SARM1: variants seen among roughly 807,000 people sequenced by gnomAD.
The protein encoded by SARM1 is NAD(+) hydrolase SARM1.
A neutral mutation model predicts 65.1 loss-of-function variants in SARM1; 60 were observed. The ratio of observed to expected loss-of-function variants is 0.92; its 90% CI spans 0.75 to 1.14. SARM1 has a LOEUF of 1.14. Ranked by LOEUF, SARM1 falls within the 50% of genes most tolerant of loss-of-function variation. The pLI, the probability that SARM1 is intolerant of heterozygous loss-of-function variation, is 0.00. For synonymous variants in SARM1, 417 were observed against 465.4 expected (o/e 0.90, Z 1.34); for missense variants, 913 against 1,015.7 (o/e 0.90, Z 1.37).
rs1425443685 is a variant in SARM1 at position 28,384,965 on chromosome 17, G to A, written c.1394+35G>A. ...CTCCTGCCCGCCGGACCCCAGCTAG[G>A]TCTAAATAAGCTCCCCCTCCGCCCA... On this transcript the variant is annotated intron_variant, in intron 4 of 8. Transcript: ENST00000585482. This position sits in a 1 kb window ranked among gnomAD's most constrained non-coding sequence, Gnocchi z 4.4. 1.9e-6 allele frequency: 3 copies of A among 1,587,612 alleles called. No homozygotes were observed. Among genetic ancestry groups the A allele is most frequent in the Non-Finnish European group, 2.6e-6 (3 of 1,166,486 alleles).
intron 1 of SARM1, among the ~76,000 whole-genome samples, chr17:28,380,928 G>A (rs2068019162): frequency 6.6e-6 from 1 of 152,244 alleles, no homozygotes; most frequent in Admixed American, 6.5e-5. Flanking sequence ...CAGGGGATCT[G>A]CTCCTGAGCT....
At chr17:28,388,587 C>A in intron 7 of SARM1, 48 bp downstream of exon 7, 1 of 1,576,842 alleles carries the variant, frequency 6.3e-7, no homozygotes, top group Non-Finnish European at 8.6e-7. Context: ...GCCTGTGGTC[C>A]AGAAGATAGG....
chr17:28,392,224 G>A (rs1555586999), intron 7 of SARM1, among the ~76,000 whole-genome samples: 1 of 151,506 alleles, frequency 6.6e-6, no homozygotes, highest in Non-Finnish European at 1.5e-5. Flanking sequence ...TGATTCCCCT[G>A]CCTCAGCCTC....
chr17:28,388,178 GC>G lies in SARM1; in HGVS notation c.1636del (p.Leu546TyrfsTer35). ...GCTGCCTATTGCCCACTTCAGAAAT[GC>G]TACACTCCCCGCTGCCCTGTACTGG... ...ARILTAAREM[L>X]HSPLPCTGGK... On this transcript the variant is annotated frameshift_variant, in exon 6 of 9. Coordinates refer to ENST00000585482, the MANE Select transcript of SARM1 (RefSeq NM_015077.4). LOFTEE classifies it high-confidence loss of function. 1 of 1,549,082 alleles carries G rather than the reference GC, an allele frequency of 6.5e-7. No individual in the cohort carries two copies.
rs2068192387 is a variant in SARM1 at position 28,401,083 on chromosome 17, T to C, written c.*4797T>C. On this transcript the variant is annotated 3_prime_UTR_variant, in exon 9 of 9. Transcript: ENST00000585482. ...TTGTCTGATGAAAGCTTGATGGAAATGGCTTTTTTCTGGTTTATCCTCTTT... is the reference window on the plus strand; with the variant it reads ...TTGTCTGATGAAAGCTTGATGGAAACGGCTTTTTTCTGGTTTATCCTCTTT... The C allele has an allele frequency of 1.9e-5, 7 of 375,434 alleles. No individual in the cohort carries two copies. Among genetic ancestry groups the C allele is most frequent in the Non-Finnish European group, 2.0e-5 (4 of 196,706 alleles). The allele number at this position is 375,434 out of a possible 1,614,324, so 23.3% of individuals were successfully genotyped here. A position where few individuals can be genotyped will look rare whatever the true frequency, so the allele number is the denominator to read the frequency against.
rs773480947 is a variant in SARM1 at position 28,396,408 on chromosome 17, T to G, written c.*122T>G. 13 of 1,146,420 alleles carry G rather than the reference T, an allele frequency of 1.1e-5. No homozygotes were observed. The highest frequency in any genetic ancestry group is 1.6e-5 in the Non-Finnish European group (13 of 795,710). 71.0% of individuals were successfully genotyped at this position (1,146,420 alleles called of 1,614,324 possible). A position where few individuals can be genotyped will look rare whatever the true frequency, so the allele number is the denominator to read the frequency against. On this transcript the variant is annotated 3_prime_UTR_variant, in exon 9 of 9. Transcript: ENST00000585482. ...CTGGGCTCTTCTTAGGAAATGGCTC[T>G]CCCTCCCCCTGTCCCCCACCCTCAT...
At chr17:28,378,023 G>T (rs1555584805) in intron 1 of SARM1, among the ~76,000 whole-genome samples, 1 of 152,168 alleles carries the variant, frequency 6.6e-6, no homozygotes, top group African/African-American at 2.4e-5. Context: ...CATTTGTGGA[G>T]GTCAGTAAGG....
chr17:28,371,821 G>A lies in SARM1; in HGVS notation c.-212G>A. 1 of 445,140 alleles carries A rather than the reference G, an allele frequency of 2.2e-6. No individual in the cohort carries two copies. The highest frequency in any genetic ancestry group is 4.0e-6 in the Non-Finnish European group (1 of 251,658). The allele number at this position is 445,140 out of a possible 1,614,324, so 27.6% of individuals were successfully genotyped here. A position where few individuals can be genotyped will look rare whatever the true frequency, so the allele number is the denominator to read the frequency against. ...TCCTTTCGCCCACTCCCTGCATCTG[G>A]GCCTGCATCACCTTTGCCAACCGCT... is the stretch of plus-strand genomic sequence containing the variant. On this transcript the variant is annotated 5_prime_UTR_variant, in exon 1 of 9. Transcript: ENST00000585482.
intron 2 of SARM1, among the ~76,000 whole-genome samples, chr17:28,382,918 A>G (rs2068031445): frequency 6.6e-6 from 1 of 152,082 alleles, no homozygotes. Context: ...TCTTCTTTGC[A>G]TTTTTTTGTG....
At chr17:28,383,499 C>T (rs553407277) in intron 2 of SARM1, among the ~76,000 whole-genome samples, 12 of 152,288 alleles carry the variant, frequency 7.9e-5, no homozygotes, top group South Asian at 2.1e-4. Flanking sequence ...GGAGGACCTG[C>T]TCTACAAGGC....
chr17:28,396,062 T>A, intron 8 of SARM1, 36 bp downstream of exon 8: 1 of 1,613,266 alleles, frequency 6.2e-7, no homozygotes, highest in Non-Finnish European at 8.5e-7. Context: ...GGGGGTAGGG[T>A]ACAAATCACC....
At chr17:28,377,564 G>A (rs1555584760) in intron 1 of SARM1, among the ~76,000 whole-genome samples, 1 of 152,250 alleles carries the variant, frequency 6.6e-6, no homozygotes, top group Admixed American at 6.5e-5. Flanking sequence ...TGAGCTTATG[G>A]CATGTTCCGG....
chr17:28,402,531 A>G lies in SARM1; in HGVS notation c.*6245A>G. ...GGCCACCTGCTAGCTCTCATGAATG[A>G]ATGCTAATTCCCATTGATTGCTTTC... On this transcript the variant is annotated 3_prime_UTR_variant, in exon 9 of 9. Transcript: ENST00000585482. 1 of 493,866 alleles carries G rather than the reference A, an allele frequency of 2.0e-6. No individual in the cohort carries two copies. The allele number at this position is 493,866 out of a possible 1,614,324, so 30.6% of individuals were successfully genotyped here.
chr17:28,372,098 G>A lies in SARM1; in HGVS notation c.66G>A (p.Arg22=), dbSNP rs781945722. 4.7e-6 allele frequency: 7 copies of A among 1,483,418 alleles called. No individual in the cohort carries two copies. Among genetic ancestry groups the A allele is most frequent in the Non-Finnish European group, 6.2e-6 (7 of 1,123,304 alleles). 91.9% of individuals were successfully genotyped at this position (1,483,418 alleles called of 1,614,324 possible). ...LCRFFAMSGP[R]PGAERLAVPG... ...GCTTCTTCGCCATGTCGGGCCCACG[G>A]CCGGGCGCCGAGCGGCTGGCGGTGC... The change falls in exon 1 of 9, where the codon CGG becomes CGA. Residue 22 remains arginine, a synonymous_variant. Transcript: ENST00000585482. This position sits in a 1 kb window ranked among gnomAD's most constrained non-coding sequence, Gnocchi z 5.2.
intron 5 of SARM1, chr17:28,387,906 A>T: frequency 2.1e-6 from 1 of 469,050 alleles, no homozygotes; most frequent in Non-Finnish European, 3.8e-6. Flanking sequence ...CTGGCTGTTC[A>T]GGTCTGGAGT....
chr17:28,375,375 T>C (rs1218106438), intron 1 of SARM1, among the ~76,000 whole-genome samples: 5 of 151,300 alleles, frequency 3.3e-5, no homozygotes, highest in African/African-American at 7.3e-5. Context: ...AGGCGGGAGA[T>C]TGCCTGAGGT....
rs41297093 is a variant in SARM1 at position 28,402,406 on chromosome 17, C to A, written c.*6120C>A. The A allele has an allele frequency of 4.5e-4, 526 of 1,180,508 alleles. 4 individuals are homozygous for A. The East Asian group carries it at 0.013, about 29-fold the overall frequency. The allele number at this position is 1,180,508 out of a possible 1,614,324, so 73.1% of individuals were successfully genotyped here. The stretch of plus-strand genomic sequence containing the variant: ...AAGGCAGCAGAGCTCCTATCCATAC[C>A]CCACGTGGGGCTTAGGTTAGACCCA... On this transcript the variant is annotated 3_prime_UTR_variant, in exon 9 of 9. Coordinates refer to ENST00000585482, the MANE Select transcript of SARM1 (RefSeq NM_015077.4).
chr17:28,382,361 A>G (rs1233940888), intron 2 of SARM1, among the ~76,000 whole-genome samples: 2 of 152,160 alleles, frequency 1.3e-5, no homozygotes, highest in Non-Finnish European at 2.9e-5. Context: ...TCTGCAGGAC[A>G]TATGGAGTTT....
At position 28,388,053 on chromosome 17, in the gene SARM1, C is replaced by A. The variant is rs116028691; in HGVS notation, c.1631-121C>A. 13 of 774,708 alleles carry A rather than the reference C, an allele frequency of 1.7e-5. No homozygotes were observed. In the East Asian group the frequency reaches 3.5e-4, roughly 21 times the overall value. 48.0% of individuals were successfully genotyped at this position (774,708 alleles called of 1,614,324 possible). ...TTTCTCCTTTTTGGGGCAGGCCACCCTCCCCAGGCTGGGCTGAGAGGGCTT... is the reference window on the plus strand; with the variant it reads ...TTTCTCCTTTTTGGGGCAGGCCACCATCCCCAGGCTGGGCTGAGAGGGCTT... On this transcript the variant is annotated intron_variant, in intron 5 of 8. Coordinates refer to ENST00000585482, the MANE Select transcript of SARM1 (RefSeq NM_015077.4).
Sources: gnomAD v4.1 joint callset for allele counts (sites outside exome capture counted in the v4.1 genomes callset) on GRCh38, gnomAD v4.1.1 for gene constraint, Gnocchi (gnomAD v3.1) non-coding constraint, MANE v1.5 for transcripts, NCBI Gene and HGNC (gene_info 2026-07-23, HGNC 2026-07-21) for gene names.